PRH1: variants seen among roughly 807,000 people sequenced by gnomAD.
PRH1 encodes salivary acidic proline-rich phosphoprotein 1/2.
In PRH1, 7 loss-of-function variants were observed where a neutral mutation model predicts 7.9. The observed-to-expected ratio is 0.89, with a 90% CI of 0.50 to 1.67. The LOEUF is 1.67. Ranked by LOEUF, PRH1 falls within the 40% of genes most tolerant of loss-of-function variation. The pLI is 0.00. For synonymous variants in PRH1, 45 were observed against 80.8 expected, an observed-to-expected ratio of 0.56 and a Z score of 2.38; for missense variants, 109 against 223.6, an observed-to-expected ratio of 0.49 and a Z score of 3.27.
chr12:11,158,397 TC>T (rs1275709930), intron 1 of PRH1, among the ~76,000 whole-genome samples: 5 of 151,132 alleles, frequency 3.3e-5, no homozygotes, highest in Admixed American at 6.6e-5. Flanking sequence ...TATAATTTTT[TC>T]CCTACTGTAT....
intron 1 of PRH1, among the ~76,000 whole-genome samples, chr12:11,053,787 G>A (rs950959078): frequency 2.0e-5 from 3 of 152,204 alleles, no homozygotes; most frequent in East Asian, 1.9e-4. Context: ...GGTGGTGGGA[G>A]AACACTATTA....
chr12:10,971,281 T>A (rs2135951510), intron 2 of PRH1, among the ~76,000 whole-genome samples: 1 of 152,354 alleles, frequency 6.6e-6, no homozygotes, highest in African/African-American at 2.4e-5. Context: ...AATTGCAATG[T>A]ATTAAAGATA....
intron 1 of PRH1, among the ~76,000 whole-genome samples, chr12:10,975,761 A>AAC (rs1939063796): frequency 6.7e-6 from 1 of 149,826 alleles, no homozygotes; most frequent in Non-Finnish European, 1.5e-5. Flanking sequence ...AAAAAAAAAA[A>AAC]CAGAGTTACT....
At chr12:11,030,087 T>A (rs1395949003) in intron 1 of PRH1, among the ~76,000 whole-genome samples, 2 of 145,594 alleles carry the variant, frequency 1.4e-5, no homozygotes, top group Non-Finnish European at 3.1e-5. Flanking sequence ...AAATGAAATA[T>A]AAAATACATG....
intron 1 of PRH1, among the ~76,000 whole-genome samples, chr12:11,135,925 AC>A (rs376032142): frequency 9.2e-5 from 14 of 152,274 alleles, no homozygotes; most frequent in African/African-American, 3.4e-4. Context: ...CCTAATTAAA[AC>A]TTTTTATGTT....
chr12:10,934,450 C>T (rs1193895100), intron 2 of PRH1, among the ~76,000 whole-genome samples: 3 of 152,152 alleles, frequency 2.0e-5, no homozygotes, highest in Admixed American at 2.0e-4. Flanking sequence ...CCCAAAATTC[C>T]AATTAGGAAT....
intron 2 of PRH1, among the ~76,000 whole-genome samples, chr12:10,919,906 T>A (rs1426417454): frequency 2.7e-5 from 3 of 111,418 alleles, no homozygotes; most frequent in Non-Finnish European, 6.2e-5. Context: ...ATTTTTTTAA[T>A]CTTTTTTTTT....
At chr12:10,888,636 T>C (rs1000397886), upstream of PRH1, among the ~76,000 whole-genome samples, 1 of 152,226 alleles carries the variant, frequency 6.6e-6, no homozygotes, top group East Asian at 1.9e-4. Flanking sequence ...TATACTACTT[T>C]TGATTGTTTT....
At chr12:10,985,967 C>A (rs1464570973) in intron 1 of PRH1, 2 of 1,609,634 alleles carry the variant, frequency 1.2e-6, no homozygotes, top group Admixed American at 1.7e-5. Flanking sequence ...TTACTCAGCA[C>A]CTAATCTGAC....
At chr12:10,888,617 T>G (rs150013429), upstream of PRH1, among the ~76,000 whole-genome samples, 720 of 152,354 alleles carry the variant, frequency 4.7e-3, 6 homozygotes, top group African/African-American at 0.017. Context: ...ATATTTTTTG[T>G]TTTTTATTTA....
At chr12:11,119,224 G>C (rs796425203), downstream of PRH1, among the ~76,000 whole-genome samples, 39 of 151,902 alleles carry the variant, frequency 2.6e-4, 1 homozygote, top group African/African-American at 9.4e-4. Context: ...CAAAACAATT[G>C]AACTCGTGGA....
At position 11,151,307 on chromosome 12, in the gene PRH1, A is replaced by G. The variant is rs78568856; in HGVS notation, n.39+20115T>C. Among the ~76,000 whole-genome samples the G allele has an allele frequency of 3.4e-3, 518 of 151,392 alleles. 5 individuals carry two copies. Among genetic ancestry groups the G allele is most frequent in the Non-Finnish European group, 5.9e-3 (398 of 67,896 alleles). On this transcript the variant is annotated intron_variant and non_coding_transcript_variant, in intron 1 of 1. Coordinates refer to the PRH1 transcript ENST00000541175. ...TTTTTCAATGTGCCCTGCTTATGCC[A>G]TAAGTGCTGTTGCTGCTCTCTCGGG... is the stretch of plus-strand genomic sequence containing the variant.
intron 2 of PRH1, chr12:10,930,431 A>G (rs1950188617): frequency 4.8e-6 from 7 of 1,464,382 alleles, no homozygotes; most frequent in Non-Finnish European, 6.6e-6. Context: ...AGATATAAAC[A>G]GTTTTCTCCC....
intron 2 of PRH1, among the ~76,000 whole-genome samples, chr12:10,903,984 G>A (rs1454846907): frequency 2.6e-5 from 3 of 116,264 alleles, no homozygotes; most frequent in Admixed American, 1.0e-4. Context: ...CCAAGGAGGT[G>A]AAAGAGAACT....
chr12:10,931,262 A>C, intron 2 of PRH1: 1 of 1,299,192 alleles, frequency 7.7e-7, no homozygotes, highest in Non-Finnish European at 1.0e-6. Context: ...AATCTCTTGA[A>C]GGCAATTCCA....
intron 2 of PRH1, among the ~76,000 whole-genome samples, chr12:10,966,844 G>A (rs1250812234): frequency 4.6e-5 from 7 of 152,110 alleles, no homozygotes; most frequent in African/African-American, 9.7e-5. Context: ...GGCTGGGCGC[G>A]GTGGCTCACG....
intron 1 of PRH1, among the ~76,000 whole-genome samples, chr12:10,982,815 T>A (rs1050600746): frequency 1.3e-5 from 2 of 151,762 alleles, no homozygotes; most frequent in Non-Finnish European, 2.9e-5. Context: ...GTCCAATGCT[T>A]CTGGTCCTTT....
At chr12:10,963,151 T>C (rs1366300325) in intron 2 of PRH1, among the ~76,000 whole-genome samples, 1 of 152,180 alleles carries the variant, frequency 6.6e-6, no homozygotes, top group East Asian at 1.9e-4. Context: ...AAATGATTTA[T>C]CTCAAGGTTT....
At chr12:11,066,429 G>C (rs1489424287) in intron 1 of PRH1, among the ~76,000 whole-genome samples, 1 of 151,840 alleles carries the variant, frequency 6.6e-6, no homozygotes, top group East Asian at 1.9e-4. Flanking sequence ...ACAAAGATTA[G>C]TTTAAGCTCA....
Sources: gnomAD v4.1 joint callset for allele counts (sites outside exome capture counted in the v4.1 genomes callset) on GRCh38, gnomAD v4.1.1 for gene constraint, MANE v1.5 for transcripts, NCBI Gene and HGNC (gene_info 2026-07-23, HGNC 2026-07-21) for gene names.